Variants in ZC3H12B observed in about 807,000 individuals in gnomAD.
The protein encoded by ZC3H12B is probable ribonuclease ZC3H12B.
A neutral mutation model predicts 43.9 loss-of-function variants in ZC3H12B; 7 were observed. That is an observed-to-expected ratio of 0.16 (90% CI 0.09 to 0.30). The LOEUF (loss-of-function observed/expected upper bound fraction) is 0.30. ZC3H12B is among the 10% of genes least tolerant of loss of function. The pLI is 1.00. For missense variants in ZC3H12B, 475 were observed against 670.2 expected, an observed-to-expected ratio of 0.71 and a Z score of 3.22; for synonymous variants, 222 against 241.7, an observed-to-expected ratio of 0.92 and a Z score of 0.76.
chrX:65,466,915 A>AATACAT (rs2067827433), intron 3 of ZC3H12B, among the ~76,000 whole-genome samples: 1 of 23,932 alleles, frequency 4.2e-5, no homozygotes. Flanking sequence ...TATAAAACCA[A>AATACAT]ATATATATAT....
the ZC3H12B span, among the ~76,000 whole-genome samples, chrX:65,336,748 G>C: frequency 8.9e-6 from 1 of 111,947 alleles, no homozygotes; most frequent in African/African-American, 3.2e-5. Context: ...CAGCAACACT[G>C]AATCAAAAGT....
chrX:65,381,995 T>G (rs1022288958), intron 2 of ZC3H12B, among the ~76,000 whole-genome samples: 24 of 111,704 alleles, frequency 2.1e-4, no homozygotes, highest in African/African-American at 7.2e-4. Context: ...CAGGACCAGA[T>G]GGATTCACAG....
At chrX:65,395,193 C>A (rs764504630) in intron 2 of ZC3H12B, among the ~76,000 whole-genome samples, 1 of 111,588 alleles carries the variant, frequency 9.0e-6, no homozygotes, top group Admixed American at 9.6e-5. Flanking sequence ...TTTGAATACC[C>A]TTTATTTCTT....
At chrX:65,370,299 G>A (rs1342877009) in intron 2 of ZC3H12B, among the ~76,000 whole-genome samples, 2 of 110,791 alleles carry the variant, frequency 1.8e-5, no homozygotes, top group Non-Finnish European at 3.8e-5. Flanking sequence ...CTTCATTTGA[G>A]GTCAGAGAAT....
chrX:65,158,613 G>T, the ZC3H12B span, among the ~76,000 whole-genome samples: 1 of 111,595 alleles, frequency 9.0e-6, no homozygotes, highest in Admixed American at 9.5e-5. Flanking sequence ...ACTTTTTGAT[G>T]GGGTTGTTTG....
At chrX:65,207,241 TGTGTATATATACACAC>T in the ZC3H12B span, among the ~76,000 whole-genome samples, 1 of 104,548 alleles carries the variant, frequency 9.6e-6, no homozygotes, top group African/African-American at 3.7e-5. Context: ...TGTGTGTGTG[TGTGTATATATACACAC>T]ACACACACAC....
the ZC3H12B span, among the ~76,000 whole-genome samples, chrX:65,289,052 G>T: frequency 2.7e-5 from 3 of 110,536 alleles, no homozygotes; most frequent in Non-Finnish European, 3.8e-5. Context: ...AAATATCTGT[G>T]CAAGGAAAAC....
the ZC3H12B span, among the ~76,000 whole-genome samples, chrX:65,245,109 G>A: frequency 9.0e-6 from 1 of 111,466 alleles, no homozygotes; most frequent in Non-Finnish European, 1.9e-5. Context: ...ACAATATTAT[G>A]AACCCCTCTA....
chrX:65,060,461 A>T, the ZC3H12B span, among the ~76,000 whole-genome samples: 156 of 112,208 alleles, frequency 1.4e-3, 1 homozygote, highest in African/African-American at 5.0e-3. Flanking sequence ...AAATGGTCAT[A>T]TGATTTTTAT....
chrX:65,170,711 T>A, the ZC3H12B span, among the ~76,000 whole-genome samples: 1 of 111,714 alleles, frequency 9.0e-6, no homozygotes, highest in Non-Finnish European at 1.9e-5. Context: ...AGTCCCATAT[T>A]TCTTGGAGGC....
intron 2 of ZC3H12B, among the ~76,000 whole-genome samples, chrX:65,380,822 G>C (rs914641831): frequency 4.5e-5 from 5 of 111,409 alleles, no homozygotes; most frequent in East Asian, 2.8e-4. Flanking sequence ...TGATAAAACA[G>C]ACTTTAAACC....
chrX:65,068,081 G>A, the ZC3H12B span, among the ~76,000 whole-genome samples: 3 of 99,624 alleles, frequency 3.0e-5, no homozygotes, highest in Non-Finnish European at 4.0e-5. Flanking sequence ...TTTCCATTGT[G>A]GTCAGAGAAG....
the ZC3H12B span, among the ~76,000 whole-genome samples, chrX:65,204,630 G>T: frequency 9.0e-6 from 1 of 111,446 alleles, no homozygotes; most frequent in South Asian, 3.7e-4. Context: ...ATTAAGATGG[G>T]TAGACAACAT....
the ZC3H12B span, among the ~76,000 whole-genome samples, chrX:65,216,567 C>T: frequency 3.6e-5 from 4 of 111,301 alleles, no homozygotes; most frequent in African/African-American, 1.3e-4. Context: ...TTGGAAAAGC[C>T]CTGGTACGGC....
exon 5 of ZC3H12B, chrX:65,502,524 A>G: frequency 8.3e-7 from 1 of 1,210,923 alleles, no homozygotes; most frequent in Non-Finnish European, 1.1e-6. Context: ...GCTGATACCC[A>G]TCCTGAAGGC....
At chrX:65,494,975 C>T (rs1287199069) in intron 1 of ZC3H12B, among the ~76,000 whole-genome samples, 1 of 111,180 alleles carries the variant, frequency 9.0e-6, no homozygotes, top group Non-Finnish European at 1.9e-5. Flanking sequence ...TGATAATTTT[C>T]CCAAGTTCTG....
At chrX:65,069,211 T>A in the ZC3H12B span, among the ~76,000 whole-genome samples, 3 of 107,763 alleles carry the variant, frequency 2.8e-5, no homozygotes, top group Non-Finnish European at 5.7e-5. Context: ...ATGAATCAAC[T>A]TTCTTCTGCT....
At chrX:65,280,527 A>G in the ZC3H12B span, among the ~76,000 whole-genome samples, 1 of 112,011 alleles carries the variant, frequency 8.9e-6, no homozygotes, top group Non-Finnish European at 1.9e-5. Context: ...TCAACATAGT[A>G]CTGAAAGCCC....
At chrX:65,386,687 C>G (rs894343087) in intron 2 of ZC3H12B, among the ~76,000 whole-genome samples, 1 of 111,107 alleles carries the variant, frequency 9.0e-6, no homozygotes, top group South Asian at 3.8e-4. Context: ...CCTTCTGCTA[C>G]CTTTTGAACG....
Sources: gnomAD v4.1 joint callset for allele counts (sites outside exome capture counted in the v4.1 genomes callset) on GRCh38, gnomAD v4.1.1 for gene constraint, MANE v1.5 for transcripts, NCBI Gene and HGNC (gene_info 2026-07-23, HGNC 2026-07-21) for gene names.